PRUNE2: variants seen among roughly 807,000 people sequenced by gnomAD.
PRUNE2 encodes prune homolog 2 with BCH domain, also known as protein prune homolog 2.
A neutral mutation model predicts 252.0 loss-of-function variants in PRUNE2; 164 were observed. The ratio of observed to expected loss-of-function variants is 0.65; its 90% CI spans 0.57 to 0.74. The LOEUF is 0.74. PRUNE2 is among the 30% of genes least tolerant of loss of function. The pLI is 0.00. For missense variants in PRUNE2, 3,495 were observed against 3,711.0 expected (o/e 0.94, Z 1.51); for synonymous variants, 1,292 against 1,350.2 (o/e 0.96, Z 0.94).
At position 76,793,406 on chromosome 9, in the gene PRUNE2, G is replaced by T. The variant is rs145051154; in HGVS notation, c.756+30226C>A. On this transcript the variant is annotated intron_variant, in intron 6 of 18. Transcript: ENST00000376718. ...CGAACATTTGCCTCAATGATTAACA[G>T]AATGAAATCGATGTTAGTGAATGAA... is the stretch of plus-strand genomic sequence containing the variant. Among the ~76,000 whole-genome samples the T allele has an allele frequency of 3.1e-3, 471 of 152,274 alleles. 2 individuals are homozygous for T. The highest frequency in any genetic ancestry group is 2.8e-3 in the Non-Finnish European group (189 of 68,012).
At position 76,802,061 on chromosome 9, in the gene PRUNE2, T is replaced by C. The variant is rs2056597791; in HGVS notation, c.756+21571A>G. On this transcript the variant is annotated intron_variant, in intron 6 of 18. Transcript: ENST00000376718. ...ATTTTTAATACTAATTGAAGCTGAT[T>C]GATTTACGTATTTTACGTTCTCAAC... Among the ~76,000 whole-genome samples, 3 of 152,180 alleles carry C rather than the reference T, an allele frequency of 2.0e-5. No homozygotes were observed. The South Asian group carries it at 6.2e-4, about 32-fold the overall frequency.
chr9:76,778,582 A>G (rs1019152544), intron 6 of PRUNE2: 5 of 152,192 alleles, frequency 3.3e-5, no homozygotes, highest in Middle Eastern at 3.2e-3. Context: ...GTTTAGCCCA[A>G]TTGTTTACTA....
At chr9:76,755,709 G>A (rs2051079123) in intron 6 of PRUNE2, among the ~76,000 whole-genome samples, 1 of 152,058 alleles carries the variant, frequency 6.6e-6, no homozygotes, top group Admixed American at 6.6e-5. Context: ...CTTTGTTTTT[G>A]TTTCTGTTTT....
At chr9:76,855,548 T>A (rs886565067) in intron 1 of PRUNE2, among the ~76,000 whole-genome samples, 4 of 152,216 alleles carry the variant, frequency 2.6e-5, no homozygotes, top group African/African-American at 9.6e-5. Flanking sequence ...ACTGCTGGTA[T>A]CAGAGTCAAA....
At chr9:76,732,052 C>A (rs1326851368) in intron 6 of PRUNE2, among the ~76,000 whole-genome samples, 2 of 151,642 alleles carry the variant, frequency 1.3e-5, no homozygotes, top group Admixed American at 6.6e-5. Context: ...CGGTGGCTCA[C>A]GCCTGTAATC....
intron 6 of PRUNE2, among the ~76,000 whole-genome samples, chr9:76,740,923 TCC>T (rs2049558432): frequency 6.6e-6 from 1 of 152,216 alleles, no homozygotes; most frequent in African/African-American, 2.4e-5. Flanking sequence ...TATTGATTTC[TCC>T]TACACTTATT....
chr9:76,754,521 C>T (rs1818324411), intron 6 of PRUNE2, among the ~76,000 whole-genome samples: 1 of 152,170 alleles, frequency 6.6e-6, no homozygotes, highest in Non-Finnish European at 1.5e-5. Flanking sequence ...AATTCAACTC[C>T]TTGCTGAGTT....
intron 4 of PRUNE2, among the ~76,000 whole-genome samples, chr9:76,844,989 C>A (rs1273679550): frequency 3.1e-5 from 4 of 128,028 alleles, no homozygotes; most frequent in African/African-American, 9.9e-5. Context: ...TATGGTGAGA[C>A]CCCCCTCTCT....
At position 76,703,601 on chromosome 9, in the gene PRUNE2, C is replaced by T. The variant is rs2046073492; in HGVS notation, c.8012G>A (p.Gly2671Asp). ...TTCTTCCAGAATCTGCAGCTGGGGA[C>T]CCTCACCCAAGCCGAGTTCAGAGAA... is the stretch of plus-strand genomic sequence containing the variant. ...EPFSELGLGEGPQLQILEEMK... is the reference protein window; with the variant it reads ...EPFSELGLGEDPQLQILEEMK... Residue 2671 changes from glycine to aspartate, a missense_variant, in exon 9 of 19, where the codon GGT becomes GAT. By Grantham distance (94) the Gly-to-Asp change is moderately conservative. Transcript: ENST00000376718. 1 of 1,613,072 alleles carries T rather than the reference C, an allele frequency of 6.2e-7. No individual in the cohort carries two copies. The highest frequency in any genetic ancestry group is 8.5e-7 in the Non-Finnish European group (1 of 1,179,888).
In PRUNE2 at chr9:76,709,099, G is replaced by A; in HGVS notation, c.3175C>T (p.His1059Tyr). ...ATGGAGATATTCTTACCATCTGTGTGCTCTGTCTTGAGTTCATTTTCATCC... is the reference window on the plus strand; with the variant it reads ...ATGGAGATATTCTTACCATCTGTGTACTCTGTCTTGAGTTCATTTTCATCC... ...NLDENELKTE[H>Y]TDGKNISMED... The change falls in exon 8 of 19, where the codon CAC becomes TAC. Residue 1059 changes from histidine (H) to tyrosine (Y), a missense_variant. By Grantham distance (83) the His-to-Tyr change is moderately conservative (BLOSUM62 2). Coordinates refer to ENST00000376718, the MANE Select transcript of PRUNE2 (RefSeq NM_015225.3). The A allele has an allele frequency of 6.2e-7, 1 of 1,613,960 alleles. No individual in the cohort carries two copies. The highest frequency in any genetic ancestry group is 1.1e-5 in the South Asian group (1 of 91,088).
rs1261919505 is a variant in PRUNE2, at chr9:76,711,155, T to G, written c.1119A>C (p.Ala373=). Reference sequence around the variant, plus strand: ...ACCCCTGGGAGAGGGGGGCACTGCCTGCCACGGCTTCTGTTGAGGATGTCC... The same window carrying G: ...ACCCCTGGGAGAGGGGGGCACTGCCGGCCACGGCTTCTGTTGAGGATGTCC... The part of the protein sequence containing the change: ...NSRTSSTEAV[A]GSAPLSQGSS... Residue 373 remains alanine, a synonymous_variant, in exon 8 of 19, where the codon GCA becomes GCC. Transcript: ENST00000376718. 1 of 1,613,974 alleles carries G rather than the reference T, an allele frequency of 6.2e-7. No homozygotes were observed. The highest frequency in any genetic ancestry group is 1.1e-5 in the South Asian group (1 of 91,062).
At position 76,703,330 on chromosome 9, in the gene PRUNE2, T is replaced by G. The variant is rs2046048049; in HGVS notation, c.8276+7A>C. 6.4e-7 allele frequency: 1 copy of G among 1,554,332 alleles called. No individual in the cohort carries two copies. Among genetic ancestry groups the G allele is most frequent in the Non-Finnish European group, 8.7e-7 (1 of 1,153,548 alleles). Reference sequence around the variant, plus strand: ...AGGAAAAAAAATAAATCTAGCTTTTTGCTTACCCATTTGGTCTTGATATCC... The same window carrying G: ...AGGAAAAAAAATAAATCTAGCTTTTGGCTTACCCATTTGGTCTTGATATCC... On this transcript the variant is annotated splice_region_variant and intron_variant, in intron 9 of 18. Coordinates refer to ENST00000376718, the MANE Select transcript of PRUNE2 (RefSeq NM_015225.3).
chr9:76,661,780 T>C (rs1234323581), intron 9 of PRUNE2, among the ~76,000 whole-genome samples: 2 of 152,120 alleles, frequency 1.3e-5, no homozygotes, highest in African/African-American at 4.8e-5. Context: ...ATTTATAAAT[T>C]AATTTGAAAA....
At chr9:76,757,391 T>A (rs930032530) in intron 6 of PRUNE2, among the ~76,000 whole-genome samples, 1 of 152,222 alleles carries the variant, frequency 6.6e-6, no homozygotes, top group African/African-American at 2.4e-5. Context: ...TTTTTTTGAT[T>A]GCTTGGCTGC....
intron 3 of PRUNE2, among the ~76,000 whole-genome samples, chr9:76,848,284 G>A (rs1026552983): frequency 1.8e-4 from 28 of 152,188 alleles, no homozygotes; most frequent in African/African-American, 6.0e-4. Flanking sequence ...AAAAGAAATA[G>A]TTAACATGTA....
chr9:76,696,872 G>A (rs567519908), intron 9 of PRUNE2, among the ~76,000 whole-genome samples: 3 of 152,294 alleles, frequency 2.0e-5, no homozygotes, highest in Non-Finnish European at 2.9e-5. Flanking sequence ...CTGGGTTCTG[G>A]TCATCACTCT....
intron 1 of PRUNE2, among the ~76,000 whole-genome samples, chr9:76,872,600 AACACACACACAC>A (rs71354690): frequency 8.3e-4 from 115 of 139,360 alleles, no homozygotes; most frequent in African/African-American, 1.2e-3. Flanking sequence ...GATTATGGAA[AACACACACACAC>A]ACACACACAC....
chr9:76,747,199 G>A (rs1185681512), intron 6 of PRUNE2, among the ~76,000 whole-genome samples: 2 of 152,168 alleles, frequency 1.3e-5, no homozygotes, highest in Non-Finnish European at 1.5e-5. Context: ...CACGCATCTG[G>A]TGTGTCAGAG....
At chr9:76,661,614 T>C (rs1168492874) in intron 9 of PRUNE2, among the ~76,000 whole-genome samples, 1 of 152,198 alleles carries the variant, frequency 6.6e-6, no homozygotes, top group African/African-American at 2.4e-5. Flanking sequence ...AAAGTTATTA[T>C]TTAGTGATAC....
Sources: gnomAD v4.1 joint callset for allele counts (sites outside exome capture counted in the v4.1 genomes callset) on GRCh38, gnomAD v4.1.1 for gene constraint, MANE v1.5 for transcripts, NCBI Gene and HGNC (gene_info 2026-07-23, HGNC 2026-07-21) for gene names.